Variants in CTNNA2 observed in about 807,000 individuals in gnomAD.
CTNNA2 encodes catenin alpha 2.
A neutral mutation model predicts 101.0 loss-of-function variants in CTNNA2; 42 were observed. That is an observed-to-expected ratio of 0.42 (90% confidence interval 0.32 to 0.54). The LOEUF (loss-of-function observed/expected upper bound fraction) is 0.54, where lower values mean the gene tolerates loss of function less well. Among genes scored for constraint, CTNNA2 ranks in the 20% least tolerant of loss-of-function variants. CTNNA2 has a pLI of 0.14. For missense variants in CTNNA2, 871 were observed against 1,223.1 expected, an observed-to-expected ratio of 0.71 and a Z score of 4.29; for synonymous variants, 450 against 456.4, an observed-to-expected ratio of 0.99 and a Z score of 0.18.
chr2:80,164,373 A>T (rs182153445), intron 7 of CTNNA2, among the ~76,000 whole-genome samples: 6 of 152,126 alleles, frequency 3.9e-5, no homozygotes, highest in African/African-American at 1.4e-4. Flanking sequence ...TAAATTATAT[A>T]TATTGATATT....
chr2:80,075,632 A>G (rs1165933450), intron 7 of CTNNA2, among the ~76,000 whole-genome samples: 1 of 110,250 alleles, frequency 9.1e-6, no homozygotes, highest in African/African-American at 3.5e-5. Flanking sequence ...AAATATTTAT[A>G]CATGTATAAA....
intron 3 of CTNNA2, among the ~76,000 whole-genome samples, chr2:79,845,344 T>C (rs1486814872): frequency 1.3e-5 from 2 of 152,080 alleles, no homozygotes; most frequent in Non-Finnish European, 2.9e-5. Context: ...AAGTGTCTGC[T>C]ACATGGCAAG....
chr2:79,310,745 A>C (rs1299813145), intron 2 of CTNNA2, among the ~76,000 whole-genome samples: 1 of 152,260 alleles, frequency 6.6e-6, no homozygotes, highest in Non-Finnish European at 1.5e-5. Context: ...AATTAGAGAA[A>C]GTGGAAGAGA....
chr2:80,065,684 T>C (rs1033482609), intron 7 of CTNNA2, among the ~76,000 whole-genome samples: 1 of 152,146 alleles, frequency 6.6e-6, no homozygotes, highest in Non-Finnish European at 1.5e-5. Context: ...TTTGCCTTCG[T>C]TCCATAAATT....
intron 6 of CTNNA2, among the ~76,000 whole-genome samples, chr2:79,898,997 G>A (rs1684895649): frequency 6.6e-6 from 1 of 152,172 alleles, no homozygotes; most frequent in African/African-American, 2.4e-5. Flanking sequence ...GTGAAGGGAA[G>A]GAGGAGTATG....
intron 7 of CTNNA2, among the ~76,000 whole-genome samples, chr2:80,123,092 C>A (rs958177899): frequency 6.6e-5 from 10 of 152,190 alleles, no homozygotes; most frequent in African/African-American, 2.4e-4. Context: ...TCATCTTTCA[C>A]TTGTGAAAAG....
Position 80,469,619 on chromosome 2 carries a change from G to GC in CTNNA2, c.1290+50022dup, listed in dbSNP as rs1353246413. 3.3e-5 allele frequency among the ~76,000 whole-genome samples: 5 copies of GC among 152,170 alleles called. No individual in the cohort carries two copies. The South Asian group carries it at 1.0e-3, about 32-fold the overall frequency. ...ACAAATAGGAAGTTGGCTTCTAGGT[G>GC]CCCCTGAGATTGGCTAATAAGGTCA... On this transcript the variant is annotated intron_variant, in intron 9 of 18. Coordinates refer to ENST00000402739, the MANE Select transcript of CTNNA2 (RefSeq NM_001282597.3).
Position 79,272,017 on chromosome 2 carries a change from T to C in CTNNA2, c.-405-40692T>C, listed in dbSNP as rs1308781740. 2.6e-5 allele frequency among the ~76,000 whole-genome samples: 4 copies of C among 152,064 alleles called. No individual in the cohort carries two copies. The East Asian group carries it at 7.7e-4, about 29-fold the overall frequency. On this transcript the variant is annotated intron_variant, in intron 2 of 21. Transcript: ENST00000466387. The stretch of plus-strand genomic sequence containing the variant: ...TCCTTAGTGTGAACCAAATTCATAC[T>C]GGTCTCTAGTGACTTACAGCAATAA...
At chr2:80,166,425 G>A (rs2148954570) in intron 7 of CTNNA2, among the ~76,000 whole-genome samples, 1 of 152,248 alleles carries the variant, frequency 6.6e-6, no homozygotes, top group East Asian at 1.9e-4. Flanking sequence ...CCTAAGGGAT[G>A]GGGTCAGAGA....
At chr2:80,549,641 T>C (rs556079839) in intron 11 of CTNNA2, among the ~76,000 whole-genome samples, 4 of 152,212 alleles carry the variant, frequency 2.6e-5, no homozygotes, top group African/African-American at 9.6e-5. Flanking sequence ...AGGATACTTT[T>C]GCCTTTTATT....
At chr2:80,461,510 A>G (rs1018087818) in intron 9 of CTNNA2, among the ~76,000 whole-genome samples, 1 of 152,194 alleles carries the variant, frequency 6.6e-6, no homozygotes, top group African/African-American at 2.4e-5. Context: ...ACTATTGCAA[A>G]GGTCCTAAAT....
intron 4 of CTNNA2, among the ~76,000 whole-genome samples, chr2:79,435,066 T>C (rs187850952): frequency 1.6e-4 from 24 of 152,188 alleles, no homozygotes; most frequent in Admixed American, 1.6e-3. Flanking sequence ...TTCCTTCTCA[T>C]CTCAGATCAC....
rs552619223 is a variant in CTNNA2 at position 79,237,459 on chromosome 2, C to G, written c.-406+39383C>G. ...TTTTGAAATGGTGAGTGAGCATTGC[C>G]TTCAACTCAAATTCACTAGCTGCAT... On this transcript the variant is annotated intron_variant, in intron 2 of 21. Coordinates refer to the CTNNA2 transcript ENST00000466387. Among the ~76,000 whole-genome samples, 4 of 152,260 alleles carry G rather than the reference C, an allele frequency of 2.6e-5. No homozygotes were observed. In the South Asian group the frequency reaches 8.3e-4, roughly 32 times the overall value.
At chr2:79,722,715 G>A (rs1024350678) in intron 2 of CTNNA2, among the ~76,000 whole-genome samples, 1 of 152,154 alleles carries the variant, frequency 6.6e-6, no homozygotes, top group African/African-American at 2.4e-5. Context: ...ATTGCTACAA[G>A]GACATGAACT....
At position 80,263,426 on chromosome 2, in the gene CTNNA2, C is replaced by T. The variant is rs564282441; in HGVS notation, c.1057-129785C>T. Among the ~76,000 whole-genome samples the T allele has an allele frequency of 3.9e-5, 6 of 152,288 alleles. No individual in the cohort carries two copies. In the South Asian group the frequency reaches 1.2e-3, roughly 32 times the overall value. ...CTTGGCTCACTGAAACCTCCGCCTC[C>T]TGGGTTCAAGTAATTCTTCTGCCTC... On this transcript the variant is annotated intron_variant, in intron 7 of 18. Coordinates refer to ENST00000402739, the MANE Select transcript of CTNNA2 (RefSeq NM_001282597.3).
At chr2:79,808,542 T>C (rs944116610) in intron 3 of CTNNA2, among the ~76,000 whole-genome samples, 3 of 152,220 alleles carry the variant, frequency 2.0e-5, no homozygotes, top group African/African-American at 7.2e-5. Context: ...TACAGTGTCT[T>C]TGAAAGAGAA....
At chr2:80,633,368 A>G (rs943815752) in intron 18 of CTNNA2, among the ~76,000 whole-genome samples, 4 of 152,166 alleles carry the variant, frequency 2.6e-5, no homozygotes, top group African/African-American at 9.7e-5. Context: ...GTGGAAGATG[A>G]TGTTCCCTGC....
intron 1 of CTNNA2, chr2:79,633,794 T>C (rs543669054): frequency 6.6e-6 from 1 of 152,328 alleles, no homozygotes; most frequent in Admixed American, 6.5e-5. Context: ...GTCATCTGTC[T>C]CTATTATTGA....
At chr2:80,433,529 A>G (rs1349778434) in intron 9 of CTNNA2, among the ~76,000 whole-genome samples, 2 of 152,090 alleles carry the variant, frequency 1.3e-5, no homozygotes, top group African/African-American at 4.8e-5. Context: ...TCAAAAGTTC[A>G]GACAAGCAGA....
Sources: allele counts gnomAD v4.1 joint callset (sites outside exome capture counted in the v4.1 genomes callset), GRCh38; gene constraint gnomAD v4.1.1; transcripts MANE v1.5; gene names NCBI Gene and HGNC (gene_info 2026-07-23, HGNC 2026-07-21).